The following HSF2BP variants were observed in gnomAD, a reference collection of about 807,000 sequenced individuals.
The protein encoded by HSF2BP is heat shock factor 2-binding protein.
A neutral mutation model predicts 35.0 loss-of-function variants in HSF2BP; 35 were observed. The ratio of observed to expected loss-of-function variants is 1.00; its 90% CI spans 0.76 to 1.32. The LOEUF is 1.32. HSF2BP is among the 40% of genes most tolerant of loss of function. The pLI, the probability that HSF2BP is intolerant of heterozygous loss-of-function variation, is 0.00. For missense variants in HSF2BP, 326 were observed against 321.7 expected, an observed-to-expected ratio of 1.01 and a Z score of -0.10; for synonymous variants, 114 against 117.4, an observed-to-expected ratio of 0.97 and a Z score of 0.18.
At chr21:43,657,056 T>C (rs1033897306) in intron 2 of HSF2BP, among the ~76,000 whole-genome samples, 1 of 152,158 alleles carries the variant, frequency 6.6e-6, no homozygotes, top group Admixed American at 6.5e-5. Context: ...GGAGAGACCC[T>C]GTCACTACAA....
Position 43,658,038 on chromosome 21 carries a change from TCGG to T in HSF2BP, c.36+20_36+22del. ...TGGCGACGGTTCAAACACGCTGGCG[TCGG>T]CCAGGGCTTCCTCACTAACCCGGCA... On this transcript the variant is annotated intron_variant, in intron 2 of 8. Coordinates refer to ENST00000291560, the MANE Select transcript of HSF2BP (RefSeq NM_007031.2). 1 of 1,535,600 alleles carries T rather than the reference TCGG, an allele frequency of 6.5e-7. No homozygotes were observed. The highest frequency in any genetic ancestry group is 8.7e-7 in the Non-Finnish European group (1 of 1,146,286).
intron 7 of HSF2BP, among the ~76,000 whole-genome samples, chr21:43,611,973 C>T (rs1601666155): frequency 6.6e-6 from 1 of 152,272 alleles, no homozygotes; most frequent in East Asian, 1.9e-4. Context: ...TGATCATAAA[C>T]AGTATCTGAA....
intron 6 of HSF2BP, among the ~76,000 whole-genome samples, chr21:43,625,499 T>A (rs188723292): frequency 6.6e-6 from 1 of 152,142 alleles, no homozygotes; most frequent in African/African-American, 2.4e-5. Context: ...AACCTAATTG[T>A]GGTGGGTAAA....
intron 8 of HSF2BP, among the ~76,000 whole-genome samples, chr21:43,573,486 A>C (rs1049501429): frequency 3.9e-5 from 6 of 152,224 alleles, no homozygotes; most frequent in African/African-American, 1.4e-4. Flanking sequence ...TAACATATGA[A>C]GAGTCCTGAA....
intron 8 of HSF2BP, among the ~76,000 whole-genome samples, chr21:43,589,193 AG>A (rs931656907): frequency 1.3e-5 from 2 of 152,194 alleles, no homozygotes; most frequent in African/African-American, 4.8e-5. Flanking sequence ...TTACTACATA[AG>A]GGTAAACAAA....
chr21:43,605,616 T>C (rs1404402138), intron 7 of HSF2BP, among the ~76,000 whole-genome samples: 3 of 127,294 alleles, frequency 2.4e-5, no homozygotes, highest in African/African-American at 9.2e-5. Context: ...CCCCCTCACA[T>C]AGCCACACAC....
chr21:43,637,251 G>A (rs1046004503), intron 4 of HSF2BP, among the ~76,000 whole-genome samples: 1 of 152,134 alleles, frequency 6.6e-6, no homozygotes, highest in African/African-American at 2.4e-5. Flanking sequence ...AATAAATGAT[G>A]TATGCTATAA....
At chr21:43,635,878 G>A (rs988802171) in intron 4 of HSF2BP, among the ~76,000 whole-genome samples, 23 of 147,320 alleles carry the variant, frequency 1.6e-4, no homozygotes, top group Non-Finnish European at 1.9e-4. Context: ...GCAGTGAGCC[G>A]AGATCGTGCC....
intron 6 of HSF2BP, among the ~76,000 whole-genome samples, chr21:43,623,629 T>C (rs2082356228): frequency 1.3e-5 from 2 of 152,138 alleles, no homozygotes; most frequent in African/African-American, 4.8e-5. Flanking sequence ...GGTCTCATCT[T>C]AAAAGTACAG....
chr21:43,656,387 G>A lies in HSF2BP; in HGVS notation c.187+200C>T, dbSNP rs148012429. 4.1e-3 allele frequency among the ~76,000 whole-genome samples: 617 copies of A among 152,262 alleles called. 8 individuals carry two copies. The highest frequency in any genetic ancestry group is 0.014 in the African/African-American group (584 of 41,546). On this transcript the variant is annotated intron_variant, in intron 3 of 8. Coordinates refer to ENST00000291560, the MANE Select transcript of HSF2BP (RefSeq NM_007031.2). Reference sequence around the variant, plus strand: ...CTGTTAATAGATGCTCAGAAAACTGGCAACCAACTTATACCAACTTACATA... The same window carrying A: ...CTGTTAATAGATGCTCAGAAAACTGACAACCAACTTATACCAACTTACATA...
chr21:43,636,875 G>A (rs1321350366), intron 4 of HSF2BP, among the ~76,000 whole-genome samples: 1 of 137,312 alleles, frequency 7.3e-6, no homozygotes, highest in Non-Finnish European at 1.5e-5. Context: ...CTGGGCGAGA[G>A]CGAAACCCCG....
intron 4 of HSF2BP, among the ~76,000 whole-genome samples, chr21:43,638,465 C>T (rs1167541611): frequency 6.6e-6 from 1 of 152,102 alleles, no homozygotes; most frequent in East Asian, 1.9e-4. Context: ...AAAGCAACCA[C>T]ATTTCTATGT....
the HSF2BP span, among the ~76,000 whole-genome samples, chr21:43,499,850 C>T: frequency 8.3e-6 from 1 of 119,926 alleles, no homozygotes; most frequent in African/African-American, 3.0e-5. Flanking sequence ...ACATCACACA[C>T]CATACATGCA....
rs745699883 is a variant in HSF2BP at position 43,644,329 on chromosome 21, C to T, written c.251G>A (p.Arg84His). 158 of 1,614,122 alleles carry T rather than the reference C, an allele frequency of 9.8e-5. 1 individual carries two copies. The South Asian group carries it at 1.1e-3, about 11-fold the overall frequency. ...LKMDCEHFKARLETVQADNIR... is the reference protein window; with the variant it reads ...LKMDCEHFKAHLETVQADNIR... ...GTTGTCGGCCTGCACGGTTTCCAGGCGGGCTTTAAAGTGCTCACAATCCAT... is the reference window on the plus strand; with the variant it reads ...GTTGTCGGCCTGCACGGTTTCCAGGTGGGCTTTAAAGTGCTCACAATCCAT... The change falls in exon 4 of 9, where the codon CGC becomes CAC. Residue 84 changes from arginine (R) to histidine (H), a missense_variant. Coordinates refer to ENST00000291560, the MANE Select transcript of HSF2BP (RefSeq NM_007031.2).
At chr21:43,499,953 C>T in the HSF2BP span, among the ~76,000 whole-genome samples, 34 of 98,532 alleles carry the variant, frequency 3.5e-4, 9 homozygotes, top group Non-Finnish European at 6.1e-4. Context: ...ACACACTCCA[C>T]GCACCATACA....
chr21:43,644,272 G>C lies in HSF2BP; in HGVS notation c.291+17C>G, dbSNP rs368397836. The C allele has an allele frequency of 1.2e-6, 2 of 1,600,464 alleles. No homozygotes were observed. The highest frequency in any genetic ancestry group is 1.3e-5 in the African/African-American group (1 of 74,790). Reference sequence around the variant, plus strand: ...CCACTTTCTGGCTTGGTGAGAGTCTGTCCCTGAGCATGGTACCTTCTTCTC... The same window carrying C: ...CCACTTTCTGGCTTGGTGAGAGTCTCTCCCTGAGCATGGTACCTTCTTCTC... On this transcript the variant is annotated intron_variant, in intron 4 of 8. Coordinates refer to ENST00000291560, the MANE Select transcript of HSF2BP (RefSeq NM_007031.2).
intron 5 of HSF2BP, among the ~76,000 whole-genome samples, chr21:43,630,939 T>C (rs2082448354): frequency 6.6e-6 from 1 of 152,160 alleles, no homozygotes; most frequent in Admixed American, 6.5e-5. Flanking sequence ...GTTACTTCCT[T>C]TGGGGTGCTA....
chr21:43,653,221 GGGAAGGGAAGGGGA>G (rs2082818514), intron 3 of HSF2BP, among the ~76,000 whole-genome samples: 1 of 132,336 alleles, frequency 7.6e-6, no homozygotes. Context: ...GGAAGGGGAA[GGGAAGGGAAGGGGA>G]AGGGAAGGGG....
chr21:43,643,678 G>A (rs554834570), intron 4 of HSF2BP, among the ~76,000 whole-genome samples: 4 of 152,244 alleles, frequency 2.6e-5, no homozygotes, highest in African/African-American at 7.2e-5. Context: ...ACTCAGCCTC[G>A]CCGGGCGTGA....
Sources: gnomAD v4.1 joint callset for allele counts (sites outside exome capture counted in the v4.1 genomes callset) on GRCh38, gnomAD v4.1.1 for gene constraint, MANE v1.5 for transcripts, NCBI Gene and HGNC (gene_info 2026-07-23, HGNC 2026-07-21) for gene names.